The following C12orf76 variants were observed in gnomAD, a reference collection of about 807,000 sequenced individuals.
C12orf76 encodes the protein uncharacterized protein C12orf76.
A neutral mutation model predicts 6.8 loss-of-function variants in C12orf76; 6 were observed. That is an observed-to-expected ratio of 0.88 (90% CI 0.48 to 1.73). The LOEUF (loss-of-function observed/expected upper bound fraction) is 1.73, where lower values mean the gene tolerates loss of function less well. Among genes scored for constraint, C12orf76 ranks in the 40% most tolerant of loss-of-function variants. The pLI, the probability that C12orf76 is intolerant of heterozygous loss-of-function variation, is 0.01. For missense variants in C12orf76, 99 were observed against 98.2 expected (o/e 1.01, Z -0.03); for synonymous variants, 56 against 43.7 (o/e 1.28, Z -1.11).
chr12:110,051,046 T>G (rs1344961210), upstream of C12orf76: 1 of 779,486 alleles, frequency 1.3e-6, no homozygotes, highest in Non-Finnish European at 2.4e-6. Context: ...GTGCACCAAC[T>G]TCTTCATTTC....
exon 3 of C12orf76, chr12:110,059,083 A>T: frequency 6.4e-7 from 1 of 1,551,726 alleles, no homozygotes; most frequent in South Asian, 1.2e-5. Context: ...GAACGCAGCC[A>T]TCTGGCTCCA....
rs1892329061 is a variant in C12orf76 at position 110,042,078 on chromosome 12, T to A, written c.*296A>T. The stretch of plus-strand genomic sequence containing the variant: ...CAGGCACTCACAAGGTTACCATGTT[T>A]TCTTTCTCATGAACACTCCATCTTT... On this transcript the variant is annotated 3_prime_UTR_variant, in exon 2 of 2. Coordinates refer to ENST00000615315, the MANE Select transcript of C12orf76 (RefSeq NM_001389625.1). 1 of 426,070 alleles carries A rather than the reference T, an allele frequency of 2.3e-6. No homozygotes were observed. The highest frequency in any genetic ancestry group is 4.3e-6 in the Non-Finnish European group (1 of 232,538). The allele number at this position is 426,070 out of a possible 1,614,324, so 26.4% of individuals were successfully genotyped here. A position where few individuals can be genotyped will look rare whatever the true frequency, so the allele number is the denominator to read the frequency against.
intron 2 of C12orf76, among the ~76,000 whole-genome samples, chr12:110,062,109 C>T (rs2137234550): frequency 6.6e-6 from 1 of 151,864 alleles, no homozygotes; most frequent in East Asian, 2.0e-4. Flanking sequence ...ACTAAAACTA[C>T]AAAAATTAGC....
upstream of C12orf76, chr12:110,048,653 T>C (rs1892517323): frequency 1.6e-6 from 2 of 1,279,942 alleles, no homozygotes; most frequent in South Asian, 5.3e-5. Context: ...TGCCTAAGAT[T>C]TGTTCCGGAT....
upstream of C12orf76, among the ~76,000 whole-genome samples, chr12:110,053,213 G>T (rs907054184): frequency 6.2e-5 from 9 of 144,780 alleles, no homozygotes; most frequent in African/African-American, 2.1e-4. Context: ...AAGTTCCCAG[G>T]TGAGACTGGG....
At chr12:110,043,974 T>C (rs908694509) in intron 1 of C12orf76, 1 of 149,816 alleles carries the variant, frequency 6.7e-6, no homozygotes, top group African/African-American at 2.5e-5. Context: ...AGTTGAGCCC[T>C]GGTGATACAG....
chr12:110,070,763 A>G (rs956715651), upstream of C12orf76, among the ~76,000 whole-genome samples: 14 of 151,902 alleles, frequency 9.2e-5, no homozygotes, highest in South Asian at 6.2e-4. Context: ...CGATTTCAGC[A>G]TGTTTTGTTT....
Position 110,041,851 on chromosome 12 carries a change from G to A in C12orf76, c.*523C>T, listed in dbSNP as rs901004269. 4 of 157,732 alleles carry A rather than the reference G, an allele frequency of 2.5e-5. No homozygotes were observed. The highest frequency in any genetic ancestry group is 1.8e-4 in the South Asian group (1 of 5,428). The allele number at this position is 157,732 out of a possible 1,614,324, so 9.8% of individuals were successfully genotyped here. On this transcript the variant is annotated 3_prime_UTR_variant, in exon 2 of 2. Transcript: ENST00000615315. Reference sequence around the variant, plus strand: ...GCAGGGCAGGATGCAGGTGAGGAACGAGGGCCCAAGATCCCCACAGCTGAC... The same window carrying A: ...GCAGGGCAGGATGCAGGTGAGGAACAAGGGCCCAAGATCCCCACAGCTGAC...
chr12:110,042,558 C>T, intron 1 of C12orf76, 99 bp from the exon 2 acceptor site: 1 of 779,348 alleles, frequency 1.3e-6, no homozygotes, highest in East Asian at 2.5e-5. Flanking sequence ...TGCTGCCAGG[C>T]ACTATGTCAA....
chr12:110,070,409 A>G (rs1468846819), upstream of C12orf76, among the ~76,000 whole-genome samples: 3 of 152,106 alleles, frequency 2.0e-5, no homozygotes, highest in African/African-American at 4.8e-5. Context: ...TACAAAAACA[A>G]TAAAAAATTA....
At chr12:110,059,511 C>T (rs905411091) in intron 2 of C12orf76, among the ~76,000 whole-genome samples, 3 of 152,240 alleles carry the variant, frequency 2.0e-5, no homozygotes, top group African/African-American at 4.8e-5. Context: ...GTCCACCCCA[C>T]ATTCATGTTG....
Position 110,042,052 on chromosome 12 carries a change from AC to A in C12orf76, c.*321del, listed in dbSNP as rs1357639532. On this transcript the variant is annotated 3_prime_UTR_variant, in exon 2 of 2. Transcript: ENST00000615315. Reference sequence around the variant, plus strand: ...ATGAGTTCTTTACAGTGTGGTTCTTACAGGCACTCACAAGGTTACCATGTTT... The same window carrying A: ...ATGAGTTCTTTACAGTGTGGTTCTTAAGGCACTCACAAGGTTACCATGTTT... 1 of 366,736 alleles carries A rather than the reference AC, an allele frequency of 2.7e-6. No individual in the cohort carries two copies. Among genetic ancestry groups the A allele is most frequent in the African/African-American group, 2.0e-5 (1 of 50,072 alleles). 22.7% of individuals were successfully genotyped at this position (366,736 alleles called of 1,614,324 possible).
In C12orf76 at chr12:110,054,809, G is replaced by A. The variant is rs888124542; in HGVS notation, n.664+2380C>T. ...TGACAAATGTCAAATTCAGGATTTC[G>A]TTTAGAGATGGAGTCTTGCTGTGTT... is the stretch of plus-strand genomic sequence containing the variant. On this transcript the variant is annotated intron_variant and non_coding_transcript_variant, in intron 4 of 4. Transcript: ENST00000309050. The surrounding 1 kb of genome is among the most constrained non-coding windows in gnomAD (Gnocchi z 4.4). Among the ~76,000 whole-genome samples the A allele has an allele frequency of 5.3e-5, 8 of 152,182 alleles. No individual in the cohort carries two copies. In the South Asian group the frequency reaches 8.3e-4, roughly 16 times the overall value.
intron 2 of C12orf76, among the ~76,000 whole-genome samples, chr12:110,063,593 GATTTTT>G (rs1362121678): frequency 2.1e-5 from 3 of 141,008 alleles, no homozygotes; most frequent in Non-Finnish European, 3.1e-5. Context: ...CCTGGTGAGG[GATTTTT>G]ATTTTTATTT....
exon 3 of C12orf76, chr12:110,059,131 T>C: frequency 6.5e-7 from 1 of 1,548,750 alleles, no homozygotes; most frequent in Non-Finnish European, 8.7e-7. Flanking sequence ...TAAATGGAAT[T>C]ATTTTTCCAA....
upstream of C12orf76, among the ~76,000 whole-genome samples, chr12:110,070,721 T>C (rs145526297): frequency 6.2e-3 from 938 of 152,330 alleles, 14 homozygotes; most frequent in African/African-American, 0.021. Context: ...ATTGGTCCTA[T>C]GATAGCTGCT....
In C12orf76 at chr12:110,042,108, T is replaced by A. The variant is rs1892329789; in HGVS notation, c.*266A>T. 3 of 522,178 alleles carry A rather than the reference T, an allele frequency of 5.7e-6. No homozygotes were observed. The highest frequency in any genetic ancestry group is 5.7e-5 in the African/African-American group (3 of 52,680). The allele number at this position is 522,178 out of a possible 1,614,324, so 32.3% of individuals were successfully genotyped here. Reference sequence around the variant, plus strand: ...TCTCATGAACACTCCATCTTTACACTGACCTTTGGAGCTTTCAGGTCTTAC... The same window carrying A: ...TCTCATGAACACTCCATCTTTACACAGACCTTTGGAGCTTTCAGGTCTTAC... On this transcript the variant is annotated 3_prime_UTR_variant, in exon 2 of 2. Transcript: ENST00000615315.
intron 1 of C12orf76, among the ~76,000 whole-genome samples, chr12:110,045,734 A>G (rs939302145): frequency 1.3e-5 from 2 of 152,246 alleles, no homozygotes; most frequent in Non-Finnish European, 2.9e-5. Context: ...CGAGATGGGC[A>G]GATCACTTGA....
At chr12:110,058,502 T>C (rs142689047) in intron 3 of C12orf76, among the ~76,000 whole-genome samples, 101 of 152,250 alleles carry the variant, frequency 6.6e-4, no homozygotes, top group African/African-American at 2.4e-3. Flanking sequence ...CTGTCTCTAC[T>C]AAAAATGCAA....
Sources: allele counts gnomAD v4.1 joint callset (sites outside exome capture counted in the v4.1 genomes callset), GRCh38; gene constraint gnomAD v4.1.1; non-coding constraint Gnocchi (gnomAD v3.1); transcripts MANE v1.5; gene names NCBI Gene and HGNC (gene_info 2026-07-23, HGNC 2026-07-21).